The following EZR variants were observed in gnomAD, a reference collection of about 807,000 sequenced individuals.
EZR encodes cytovillin 2.
EZR carries 40 observed loss-of-function variants against 74.8 expected under a neutral mutation model. The observed-to-expected ratio is 0.53, with a 90% confidence interval of 0.42 to 0.70. The LOEUF (loss-of-function observed/expected upper bound fraction) is 0.70, where lower values mean the gene tolerates loss of function less well. EZR is among the 30% of genes least tolerant of loss of function. The pLI is 0.00. For synonymous variants in EZR, 341 were observed against 283.3 expected, an observed-to-expected ratio of 1.20 and a Z score of -2.05; for missense variants, 678 against 755.8, an observed-to-expected ratio of 0.90 and a Z score of 1.21.
chr6:158,812,241 C>T (rs893680976), intron 2 of EZR, among the ~76,000 whole-genome samples: 6 of 152,174 alleles, frequency 3.9e-5, no homozygotes, highest in African/African-American at 1.4e-4. Flanking sequence ...GCATTTCAGC[C>T]GGACTGTAAG....
In EZR at chr6:158,766,750, C is replaced by CGAG. The variant is rs1790877972; in HGVS notation, c.*163_*164insCTC. 2.8e-6 allele frequency: 2 copies of CGAG among 710,206 alleles called. No individual in the cohort carries two copies. Among genetic ancestry groups the CGAG allele is most frequent in the Non-Finnish European group, 4.8e-6 (2 of 416,142 alleles). 44.0% of individuals were successfully genotyped at this position (710,206 alleles called of 1,614,324 possible). A position where few individuals can be genotyped will look rare whatever the true frequency, so the allele number is the denominator to read the frequency against. On this transcript the variant is annotated 3_prime_UTR_variant, in exon 14 of 14. Coordinates refer to ENST00000367075, the MANE Select transcript of EZR (RefSeq NM_001111077.2). ...TACAACTGGGGAAAACAAACCAGGG[C>CGAG]GCCTCCCTGGTTCCCAGCCCAGAAT...
chr6:158,787,113 T>C lies in EZR; in HGVS notation c.187A>G (p.Lys63Glu). The C allele has an allele frequency of 6.2e-7, 1 of 1,613,092 alleles. No homozygotes were observed. The highest frequency in any genetic ancestry group is 8.5e-7 in the Non-Finnish European group (1 of 1,179,112). Residue 63 changes from lysine to glutamate, a missense_variant, in exon 4 of 14, where the codon AAG (lysine) becomes GAG (glutamate). Transcript: ENST00000367075. ...AATAGTTAATCCTGACTTGCCTTCT[T>C]ATCCAGCTTCAGCCAGGTAGGAAAT... ...KGFPTWLKLD[K>E]KVSAQEVRKE... is the part of the protein sequence containing the mutation.
chr6:158,782,429 A>G (rs1791457004), intron 7 of EZR, among the ~76,000 whole-genome samples: 1 of 152,216 alleles, frequency 6.6e-6, no homozygotes, highest in African/African-American at 2.4e-5. Flanking sequence ...CTGAGAACAG[A>G]TGAGATGGGT....
At chr6:158,786,159 G>C (rs996774992) in intron 4 of EZR, among the ~76,000 whole-genome samples, 3 of 152,110 alleles carry the variant, frequency 2.0e-5, no homozygotes, top group Admixed American at 2.0e-4. Context: ...GGACCACGAG[G>C]TCAGGAGTTC....
At chr6:158,819,052 G>A (rs903646255) in intron 1 of EZR, among the ~76,000 whole-genome samples, 4 of 152,142 alleles carry the variant, frequency 2.6e-5, no homozygotes, top group Non-Finnish European at 4.4e-5. Flanking sequence ...AACCGCTCGG[G>A]AGCCGCCGAG....
Position 158,785,550 on chromosome 6 carries a change from G to A in EZR, c.226C>T (p.Leu76Phe), listed in dbSNP as rs1172615995. 1 of 1,614,160 alleles carries A rather than the reference G, an allele frequency of 6.2e-7. No individual in the cohort carries two copies. Among genetic ancestry groups the A allele is most frequent in the East Asian group, 2.2e-5 (1 of 44,880 alleles). ...SAQEVRKENP[L>F]QFKFRAKFYP... The stretch of plus-strand genomic sequence containing the variant: ...AACTTGGCCCGGAACTTGAACTGGA[G>A]GGGATTCTCCTTCCTGACCTCCTGG... The change falls in exon 5 of 14, where the codon CTC becomes TTC. Residue 76 changes from leucine (L) to phenylalanine (F), a missense_variant. This residue lies in a region of EZR where 217 missense variants were observed against 232.2 expected (regional missense o/e 0.93). Transcript: ENST00000367075.
At chr6:158,799,656 ACAAATGCTGGCTAACAGC>A (rs1202625284) in intron 2 of EZR, among the ~76,000 whole-genome samples, 1 of 152,378 alleles carries the variant, frequency 6.6e-6, no homozygotes, top group East Asian at 1.9e-4. Context: ...GTCGTTTTCC[ACAAATGCTGGCTAACAGC>A]CAAGCTCTGT....
chr6:158,771,973 C>G (rs1360372127), intron 8 of EZR, among the ~76,000 whole-genome samples: 1 of 152,196 alleles, frequency 6.6e-6, no homozygotes, highest in Non-Finnish European at 1.5e-5. Context: ...CCCGACCCAT[C>G]ACTGCCAGCC....
intron 8 of EZR, among the ~76,000 whole-genome samples, chr6:158,774,136 C>T (rs1326134321): frequency 1.3e-5 from 2 of 152,202 alleles, no homozygotes; most frequent in African/African-American, 2.4e-5. Context: ...AAACTTTGGG[C>T]CTCTTCTTTT....
rs145644180 is a variant in EZR, at chr6:158,767,947, G to A, written c.1345-435C>T. ...CTCCATCCCAGCCAGCCCTAGAGTT[G>A]AGCTTAGTGTGGATCTGCTTTGTAG... On this transcript the variant is annotated intron_variant, in intron 12 of 13. Transcript: ENST00000367075. 1.1e-3 allele frequency among the ~76,000 whole-genome samples: 170 copies of A among 152,002 alleles called. No individual in the cohort carries two copies. In the East Asian group the frequency reaches 0.032, roughly 28 times the overall value.
intron 1 of EZR, 127 bp from the exon 2 acceptor site, chr6:158,818,293 CGCCCCGCCCAGCACTGCGG>C (rs1425003563): frequency 5.1e-6 from 2 of 389,264 alleles, no homozygotes; most frequent in Non-Finnish European, 9.1e-6. Flanking sequence ...GGTGAGTCAG[CGCCCCGCCCAGCACTGCGG>C]GCATGGGGAG....
chr6:158,770,043 C>T (rs2128565117), intron 10 of EZR, 99 bp from the exon 11 acceptor site: 2 of 1,498,366 alleles, frequency 1.3e-6, no homozygotes, highest in African/African-American at 2.8e-5. Context: ...AGCCCTAGAC[C>T]AAGTCACAGG....
intron 12 of EZR, 41 bp downstream of exon 12, chr6:158,769,285 G>A (rs1167994485): frequency 6.3e-7 from 1 of 1,577,554 alleles, no homozygotes; most frequent in Non-Finnish European, 8.6e-7. Flanking sequence ...TTGGGCAACA[G>A]GTGCTGTGGC....
chr6:158,783,799 G>A (rs1791493222), intron 6 of EZR, 133 bp from the exon 7 acceptor site: 2 of 991,852 alleles, frequency 2.0e-6, no homozygotes, highest in Non-Finnish European at 2.9e-6. Context: ...CGTGCAGGCA[G>A]GCAGGGGCCG....
chr6:158,776,099 C>T (rs1248062709), intron 8 of EZR, among the ~76,000 whole-genome samples: 1 of 152,222 alleles, frequency 6.6e-6, no homozygotes. Context: ...CGGGGAGAGT[C>T]CCTGCACCCA....
chr6:158,767,281 G>A lies in EZR; in HGVS notation c.1576C>T (p.Arg526Cys), dbSNP rs372964315. The change falls in exon 13 of 14, where the codon CGT (arginine) becomes TGT (cysteine). Residue 526 changes from arginine to cysteine, a missense_variant. Arg to Cys is a radical substitution (Grantham distance 180, BLOSUM62 -3). Transcript: ENST00000367075. ...CTCACCAGCAGCTGCCGCTGCACACGCTCGTTCTTCTCTGCCTCAGTGATG... is the reference window on the plus strand; with the variant it reads ...CTCACCAGCAGCTGCCGCTGCACACACTCGTTCTTCTCTGCCTCAGTGATG... ...KRITEAEKNE[R>C]VQRQLLTLSS... The A allele has an allele frequency of 1.7e-5, 27 of 1,613,566 alleles. No homozygotes were observed. Among genetic ancestry groups the A allele is most frequent in the South Asian group, 5.5e-5 (5 of 91,038 alleles).
At chr6:158,768,498 A>G (rs1470987318) in intron 12 of EZR, among the ~76,000 whole-genome samples, 1 of 152,134 alleles carries the variant, frequency 6.6e-6, no homozygotes, top group African/African-American at 2.4e-5. Flanking sequence ...ACGTCCCCAG[A>G]AGGCACCTCC....
Position 158,769,781 on chromosome 6 carries a change from T to C in EZR, c.1251+3A>G, listed in dbSNP as rs2128564714. ...AGCATCTTGAAACTCAGGCCATTCCTACCAGCTGCTCCTGGCTCTTTATCT... is the reference window on the plus strand; with the variant it reads ...AGCATCTTGAAACTCAGGCCATTCCCACCAGCTGCTCCTGGCTCTTTATCT... On this transcript the variant is annotated splice_donor_region_variant and intron_variant, in intron 11 of 13. Coordinates refer to ENST00000367075, the MANE Select transcript of EZR (RefSeq NM_001111077.2). 6.2e-7 allele frequency: 1 copy of C among 1,613,750 alleles called. No homozygotes were observed. The highest frequency in any genetic ancestry group is 8.5e-7 in the Non-Finnish European group (1 of 1,180,014).
rs1790881766 is a variant in EZR at position 158,766,793 on chromosome 6, G to A, written c.*121C>T. On this transcript the variant is annotated 3_prime_UTR_variant, in exon 14 of 14. Coordinates refer to ENST00000367075, the MANE Select transcript of EZR (RefSeq NM_001111077.2). ...CCCAGAATGTTTCTGTTGGGTAACT[G>A]CTTTCTAAAGGAACTGGGATCTGAG... 3 of 1,032,140 alleles carry A rather than the reference G, an allele frequency of 2.9e-6. No individual in the cohort carries two copies. Among genetic ancestry groups the A allele is most frequent in the Non-Finnish European group, 4.3e-6 (3 of 698,450 alleles). The allele number at this position is 1,032,140 out of a possible 1,614,324, so 63.9% of individuals were successfully genotyped here. A position where few individuals can be genotyped will look rare whatever the true frequency, so the allele number is the denominator to read the frequency against.
Sources: gnomAD v4.1 joint callset for allele counts (sites outside exome capture counted in the v4.1 genomes callset) on GRCh38, gnomAD v4.1.1 for gene constraint, gnomAD v4.1.1 regional missense constraint, MANE v1.5 for transcripts, NCBI Gene and HGNC (gene_info 2026-07-23, HGNC 2026-07-21) for gene names.